Variants in GDF6 observed in about 807,000 individuals in gnomAD.
GDF6 encodes the protein growth differentiation factor 6, also known as growth/differentiation factor 6.
Under a neutral mutation model 32.4 loss-of-function variants are expected in GDF6, and 3 were observed. That is an observed-to-expected ratio of 0.09 (90% CI 0.04 to 0.24). The LOEUF is 0.24. Ranked by LOEUF, GDF6 falls within the 10% of genes least tolerant of loss-of-function variation. GDF6 has a pLI of 1.00. For synonymous variants in GDF6, 296 were observed against 295.3 expected (o/e 1.00, Z -0.03); for missense variants, 589 against 637.9 (o/e 0.92, Z 0.83).
intron 1 of GDF6, among the ~76,000 whole-genome samples, chr8:96,153,146 A>G (rs1444834863): frequency 6.6e-6 from 1 of 152,222 alleles, no homozygotes; most frequent in East Asian, 1.9e-4. Context: ...CTCTCCCGTG[A>G]GTGCTGCTCA....
chr8:96,149,557 A>G lies in GDF6; in HGVS notation c.407-4033T>C, dbSNP rs1276365382. Among the ~76,000 whole-genome samples, 3 of 152,174 alleles carry G rather than the reference A, an allele frequency of 2.0e-5. No homozygotes were observed. The East Asian group carries it at 5.8e-4, about 29-fold the overall frequency. On this transcript the variant is annotated intron_variant, in intron 1 of 1. Coordinates refer to ENST00000287020, the MANE Select transcript of GDF6 (RefSeq NM_001001557.4). ...AAAAGGCTGAAAGCACCTCAAACAT[A>G]TATTTCTGGTGTAGAATTTAGGAAA... is the stretch of plus-strand genomic sequence containing the variant.
In GDF6 at chr8:96,144,495, C is replaced by T; in HGVS notation, c.*68G>A. On this transcript the variant is annotated 3_prime_UTR_variant, in exon 2 of 2. Coordinates refer to ENST00000287020, the MANE Select transcript of GDF6 (RefSeq NM_001001557.4). The surrounding 1 kb of genome is among the most constrained non-coding windows in gnomAD (Gnocchi z 5.1). ...GCTTCCTCCTCCGCCTCTCTGCAGC[C>T]AGGCCTCCCCTGCAAGGCGGACCTT... 6.4e-7 allele frequency: 1 copy of T among 1,573,840 alleles called. No homozygotes were observed. Among genetic ancestry groups the T allele is most frequent in the Non-Finnish European group, 8.6e-7 (1 of 1,159,688 alleles).
intron 1 of GDF6, among the ~76,000 whole-genome samples, chr8:96,156,383 T>TCTCTCTCTCTCTCTCTTTCC (rs1196817251): frequency 2.8e-4 from 11 of 38,858 alleles, no homozygotes; most frequent in African/African-American, 9.3e-4. Flanking sequence ...TTTCCCTCTC[T>TCTCTCTCTCTCTCTCTTTCC]CTCTCTCTCT....
Position 96,160,797 on chromosome 8 carries a change from C to G in GDF6, c.-105G>C. 1 of 1,117,880 alleles carries G rather than the reference C, an allele frequency of 8.9e-7. No homozygotes were observed. The highest frequency in any genetic ancestry group is 1.3e-6 in the Non-Finnish European group (1 of 793,242). 69.2% of individuals were successfully genotyped at this position (1,117,880 alleles called of 1,614,324 possible). On this transcript the variant is annotated 5_prime_UTR_variant, in exon 1 of 2. Coordinates refer to ENST00000287020, the MANE Select transcript of GDF6 (RefSeq NM_001001557.4). ...GCCGGGGCCCGGCTCCTCGGGCGGACTCGGAGTGCGAGGAGCCGGGTCCCA... is the reference window on the plus strand; with the variant it reads ...GCCGGGGCCCGGCTCCTCGGGCGGAGTCGGAGTGCGAGGAGCCGGGTCCCA...
rs2130237638 is a variant in GDF6, at chr8:96,160,410, G to A, written c.283C>T (p.His95Tyr). The A allele has an allele frequency of 6.2e-7, 1 of 1,614,154 alleles. No homozygotes were observed. Among genetic ancestry groups the A allele is most frequent in the Non-Finnish European group, 8.5e-7 (1 of 1,179,996 alleles). ...CTGTAGATTGACAGCATGTACTCGT[G>A]GGGCACCACGCGCGGACCCCTGCCT... The part of the protein sequence containing the change: ...PPGRGPRVVP[H>Y]EYMLSIYRTY... Residue 95 changes from histidine to tyrosine, a missense_variant, in exon 1 of 2, where the codon CAC (histidine) becomes TAC (tyrosine). Transcript: ENST00000287020.
In GDF6 at chr8:96,143,655, C is replaced by T. The variant is rs1812409030; in HGVS notation, c.*908G>A. The T allele has an allele frequency of 6.5e-6, 1 of 152,716 alleles. No individual in the cohort carries two copies. Among genetic ancestry groups the T allele is most frequent in the Non-Finnish European group, 1.5e-5 (1 of 68,070 alleles). The allele number at this position is 152,716 out of a possible 1,614,324, so 9.5% of individuals were successfully genotyped here. Reference sequence around the variant, plus strand: ...GGCATTTGGGTGGGCTACCTCCAGCCTGGGCTAATGCACCTCCGTGTCAGC... The same window carrying T: ...GGCATTTGGGTGGGCTACCTCCAGCTTGGGCTAATGCACCTCCGTGTCAGC... On this transcript the variant is annotated 3_prime_UTR_variant, in exon 2 of 2. Transcript: ENST00000287020.
intron 1 of GDF6, among the ~76,000 whole-genome samples, chr8:96,159,644 T>C (rs1347112953): frequency 6.6e-6 from 1 of 152,234 alleles, no homozygotes; most frequent in Non-Finnish European, 1.5e-5. Context: ...ACCACTCGTG[T>C]TGAGGCCTCG....
intron 1 of GDF6, among the ~76,000 whole-genome samples, chr8:96,147,574 G>T (rs75131566): frequency 0.01 from 1,589 of 152,304 alleles, 26 homozygotes; most frequent in African/African-American, 0.037. Context: ...GTTCTGAAAG[G>T]TAATTACTTG....
At chr8:96,148,803 C>A (rs1042991606) in intron 1 of GDF6, among the ~76,000 whole-genome samples, 2 of 152,154 alleles carry the variant, frequency 1.3e-5, no homozygotes, top group African/African-American at 4.8e-5. Flanking sequence ...ATTTTTTTAT[C>A]CTTTCAGCCA....
At position 96,153,719 on chromosome 8, in the gene GDF6, G is replaced by A. The variant is rs80290465; in HGVS notation, c.406+6568C>T. 1.5e-3 allele frequency among the ~76,000 whole-genome samples: 226 copies of A among 152,302 alleles called. 1 individual carries two copies. Among genetic ancestry groups the A allele is most frequent in the African/African-American group, 5.1e-3 (213 of 41,566 alleles). On this transcript the variant is annotated intron_variant, in intron 1 of 1. Transcript: ENST00000287020. Reference sequence around the variant, plus strand: ...TCATTTTATGTGACTTCCGCTCCCTGACCAGTTCTGAGCTTGCAGGTGGGG... The same window carrying A: ...TCATTTTATGTGACTTCCGCTCCCTAACCAGTTCTGAGCTTGCAGGTGGGG...
chr8:96,153,650 C>G (rs372468233), intron 1 of GDF6, among the ~76,000 whole-genome samples: 22 of 152,328 alleles, frequency 1.4e-4, no homozygotes, highest in African/African-American at 4.1e-4. Context: ...TATGATCGGG[C>G]TGCATGGCTT....
At chr8:96,153,361 A>G (rs1812602525) in intron 1 of GDF6, among the ~76,000 whole-genome samples, 1 of 152,228 alleles carries the variant, frequency 6.6e-6, no homozygotes, top group Non-Finnish European at 1.5e-5. Context: ...TGGGCTCCCG[A>G]CCACAGCGGC....
At chr8:96,155,111 G>A (rs1341378645) in intron 1 of GDF6, among the ~76,000 whole-genome samples, 1 of 152,204 alleles carries the variant, frequency 6.6e-6, no homozygotes, top group Non-Finnish European at 1.5e-5. Context: ...CCACAAGGAT[G>A]TTTGAGCACG....
chr8:96,160,782 G>T lies in GDF6; in HGVS notation c.-90C>A. The T allele has an allele frequency of 1.5e-6, 2 of 1,322,564 alleles. No individual in the cohort carries two copies. The highest frequency in any genetic ancestry group is 2.6e-5 in the South Asian group (2 of 76,468). 81.9% of individuals were successfully genotyped at this position (1,322,564 alleles called of 1,614,324 possible). A position where few individuals can be genotyped will look rare whatever the true frequency, so the allele number is the denominator to read the frequency against. ...AGCGGCTGGACAGCGGCCGGGGCCC[G>T]GCTCCTCGGGCGGACTCGGAGTGCG... On this transcript the variant is annotated 5_prime_UTR_variant, in exon 1 of 2. Coordinates refer to ENST00000287020, the MANE Select transcript of GDF6 (RefSeq NM_001001557.4).
chr8:96,146,707 C>CAGAGAG (rs1554571546), intron 1 of GDF6, among the ~76,000 whole-genome samples: 142 of 140,004 alleles, frequency 1.0e-3, no homozygotes, highest in South Asian at 2.5e-3. Flanking sequence ...CACACACACA[C>CAGAGAG]AGAGAGAGAG....
chr8:96,148,467 T>C (rs757754360), intron 1 of GDF6, among the ~76,000 whole-genome samples: 67 of 152,244 alleles, frequency 4.4e-4, no homozygotes, highest in Non-Finnish European at 5.7e-4. Flanking sequence ...CAGTGGTCTT[T>C]AAATCTGCAT....
chr8:96,149,612 G>A (rs1325524868), intron 1 of GDF6, among the ~76,000 whole-genome samples: 1 of 152,098 alleles, frequency 6.6e-6, no homozygotes, highest in Non-Finnish European at 1.5e-5. Flanking sequence ...GTTGGTCAAA[G>A]GGTACAAATT....
intron 1 of GDF6, among the ~76,000 whole-genome samples, chr8:96,159,733 G>A (rs1419033572): frequency 1.3e-5 from 2 of 152,242 alleles, no homozygotes. Context: ...CCCACCCAGC[G>A]CAGGGACCAA....
Position 96,144,683 on chromosome 8 carries a change from C to T in GDF6, c.1248G>A (p.Pro416=), listed in dbSNP as rs1358569869. The change falls in exon 2 of 2, where the codon CCG becomes CCA. Residue 416 remains proline, a synonymous_variant. Coordinates refer to ENST00000287020, the MANE Select transcript of GDF6 (RefSeq NM_001001557.4). The surrounding 1 kb of genome is among the most constrained non-coding windows in gnomAD (Gnocchi z 5.1). ...LMNSMDPGST[P]PSCCVPTKLT... ...ATTTGGTGGGCACGCAGCAGCTGGG[C>T]GGGGTGGAGCCGGGGTCCATGGAGT... 2 of 1,613,986 alleles carry T rather than the reference C, an allele frequency of 1.2e-6. No individual in the cohort carries two copies. Among genetic ancestry groups the T allele is most frequent in the African/African-American group, 1.3e-5 (1 of 74,922 alleles).
Sources: gnomAD v4.1 joint callset for allele counts (sites outside exome capture counted in the v4.1 genomes callset) on GRCh38, gnomAD v4.1.1 for gene constraint, Gnocchi (gnomAD v3.1) non-coding constraint, MANE v1.5 for transcripts, NCBI Gene and HGNC (gene_info 2026-07-23, HGNC 2026-07-21) for gene names.